ADAM10: variants seen among roughly 807,000 people sequenced by gnomAD.
ADAM10 encodes ADAM metallopeptidase domain 10, also known as disintegrin and metalloproteinase domain-containing protein 10.
ADAM10 carries 17 observed loss-of-function variants against 90.1 expected under a neutral mutation model. The observed-to-expected ratio is 0.19, with a 90% CI of 0.13 to 0.28. ADAM10 has a LOEUF of 0.28. Among genes scored for constraint, ADAM10 ranks in the 10% least tolerant of loss-of-function variants. The probability of loss-of-function intolerance (pLI) is 1.00; values close to 1 mark genes in which losing one functional copy is unlikely to be tolerated. For missense variants in ADAM10, 610 were observed against 914.3 expected (o/e 0.67, Z 4.29); for synonymous variants, 310 against 298.6 (o/e 1.04, Z -0.40).
At chr15:58,699,093 G>A (rs1898059273) in intron 2 of ADAM10, among the ~76,000 whole-genome samples, 1 of 152,142 alleles carries the variant, frequency 6.6e-6, no homozygotes, top group Admixed American at 6.5e-5. Flanking sequence ...CAGACTAACA[G>A]CAGATTTCTC....
At chr15:58,729,974 C>A (rs28487582) in intron 1 of ADAM10, among the ~76,000 whole-genome samples, 13,349 of 131,864 alleles carry the variant, frequency 0.1, 1,002 homozygotes, top group East Asian at 0.28. Context: ...AAAACAAAAA[C>A]AAAAACAAAA....
At chr15:58,627,425 A>G (rs1895979015) in intron 10 of ADAM10, among the ~76,000 whole-genome samples, 1 of 152,126 alleles carries the variant, frequency 6.6e-6, no homozygotes, top group Admixed American at 6.5e-5. Flanking sequence ...AAAACAGAAA[A>G]AGAACTATAA....
intron 9 of ADAM10, among the ~76,000 whole-genome samples, chr15:58,628,109 T>C (rs534808774): frequency 6.6e-6 from 1 of 152,198 alleles, no homozygotes; most frequent in Admixed American, 6.5e-5. Flanking sequence ...CCATAACAAT[T>C]TATAGCTTTG....
chr15:58,712,734 G>A (rs769255167), intron 2 of ADAM10, among the ~76,000 whole-genome samples: 5 of 152,064 alleles, frequency 3.3e-5, no homozygotes, highest in African/African-American at 4.8e-5. Flanking sequence ...GCTGAGGCAG[G>A]ACAATGGCAT....
At chr15:58,633,578 G>A (rs1896160726) in intron 8 of ADAM10, among the ~76,000 whole-genome samples, 1 of 152,152 alleles carries the variant, frequency 6.6e-6, no homozygotes, top group Admixed American at 6.5e-5. Context: ...CCAGGACTGA[G>A]TACACAGCCT....
At chr15:58,600,005 T>C (rs1216738931) in intron 14 of ADAM10, among the ~76,000 whole-genome samples, 1 of 152,182 alleles carries the variant, frequency 6.6e-6, no homozygotes, top group Non-Finnish European at 1.5e-5. Context: ...ACAACATTTG[T>C]CATACACATG....
intron 1 of ADAM10, among the ~76,000 whole-genome samples, chr15:58,727,636 A>AT (rs1899086100): frequency 6.6e-6 from 1 of 152,164 alleles, no homozygotes. Context: ...CAGCCTTGTT[A>AT]TTTTTTAAAA....
Position 58,592,018 on chromosome 15 carries a change from T to C in ADAM10, c.*5529A>G, listed in dbSNP as rs1170337263. 3.3e-5 allele frequency: 5 copies of C among 152,264 alleles called. No individual in the cohort carries two copies. The highest frequency in any genetic ancestry group is 4.8e-5 in the African/African-American group (2 of 41,450). 9.4% of individuals were successfully genotyped at this position (152,264 alleles called of 1,614,324 possible). A position where few individuals can be genotyped will look rare whatever the true frequency, so the allele number is the denominator to read the frequency against. ...GTTGTTGAAGCAGGACCATATGTCT[T>C]GTAGTTTTCCAGAGTCTGGATTTTG... On this transcript the variant is annotated 3_prime_UTR_variant, in exon 16 of 16. Transcript: ENST00000260408.
At chr15:58,602,735 C>G (rs1199686214) in intron 14 of ADAM10, among the ~76,000 whole-genome samples, 2 of 152,142 alleles carry the variant, frequency 1.3e-5, no homozygotes, top group Non-Finnish European at 2.9e-5. Flanking sequence ...GATCTCTATA[C>G]AGAAGAGTCC....
At chr15:58,717,976 G>A (rs1368363096) in intron 1 of ADAM10, among the ~76,000 whole-genome samples, 1 of 151,996 alleles carries the variant, frequency 6.6e-6, no homozygotes, top group Non-Finnish European at 1.5e-5. Context: ...AGCTGAGCAA[G>A]TTCTCTTCTA....
At chr15:58,657,609 ATTTC>A (rs1178701247) in intron 5 of ADAM10, among the ~76,000 whole-genome samples, 40 of 152,254 alleles carry the variant, frequency 2.6e-4, no homozygotes, top group African/African-American at 9.4e-4. Flanking sequence ...GTTATCATGA[ATTTC>A]TTTGAGTTTC....
chr15:58,647,248 ATTTTTTTTTTTT>A lies in ADAM10; in HGVS notation c.586-1056_586-1045del, dbSNP rs67378373. ...TGGCAGCAAAGAGTAGACACTAAGT[ATTTTTTTTTTTT>A]TTTTTTTTTTTTTTTTTTGAGACAG... On this transcript the variant is annotated intron_variant, in intron 5 of 15. Coordinates refer to ENST00000260408, the MANE Select transcript of ADAM10 (RefSeq NM_001110.4). Among the ~76,000 whole-genome samples, 77 of 59,604 alleles carry A rather than the reference ATTTTTTTTTTTT, an allele frequency of 1.3e-3. 1 individual carries two copies. Among genetic ancestry groups the A allele is most frequent in the East Asian group, 3.0e-3 (7 of 2,302 alleles). 39.1% of individuals were successfully genotyped at this position (59,604 alleles called of 152,430 possible). A position where few individuals can be genotyped will look rare whatever the true frequency, so the allele number is the denominator to read the frequency against.
At chr15:58,661,265 T>G (rs1380743383) in intron 5 of ADAM10, among the ~76,000 whole-genome samples, 1 of 152,232 alleles carries the variant, frequency 6.6e-6, no homozygotes, top group African/African-American at 2.4e-5. Flanking sequence ...TTCACTCTTC[T>G]GTGTGTATCC....
intron 2 of ADAM10, among the ~76,000 whole-genome samples, chr15:58,709,840 A>T (rs1307214365): frequency 1.3e-5 from 2 of 152,342 alleles, no homozygotes; most frequent in South Asian, 4.1e-4. Flanking sequence ...CCAAAGAATT[A>T]AAAACAGCCA....
At position 58,688,766 on chromosome 15, in the gene ADAM10, T is replaced by TTATATATATATA. The variant is rs780219725; in HGVS notation, c.207-6464_207-6453dup. On this transcript the variant is annotated intron_variant, in intron 2 of 15. Coordinates refer to ENST00000260408, the MANE Select transcript of ADAM10 (RefSeq NM_001110.4). ...ATAATTTCTAAAATGAAAAAAAAAA[T>TTATATATATATA]TATATATATATATATATATATCTCT... is the stretch of plus-strand genomic sequence containing the variant. 4.6e-3 allele frequency among the ~76,000 whole-genome samples: 561 copies of TTATATATATATA among 121,780 alleles called. 13 individuals carry two copies. The highest frequency in any genetic ancestry group is 0.016 in the African/African-American group (441 of 27,092). The allele number at this position is 121,780 out of a possible 152,430, so 79.9% of individuals were successfully genotyped here.
chr15:58,711,949 T>C (rs565868203), intron 2 of ADAM10, among the ~76,000 whole-genome samples: 2 of 152,100 alleles, frequency 1.3e-5, no homozygotes, highest in Non-Finnish European at 2.9e-5. Flanking sequence ...TGATCCCTTA[T>C]GCTTCTCTTC....
chr15:58,598,980 G>C (rs1895034122), intron 15 of ADAM10, among the ~76,000 whole-genome samples: 1 of 152,118 alleles, frequency 6.6e-6, no homozygotes, highest in Admixed American at 6.6e-5. Flanking sequence ...CATCACCCTG[G>C]GGGAAAATAA....
At chr15:58,613,252 A>C (rs527269727) in intron 11 of ADAM10, among the ~76,000 whole-genome samples, 22 of 152,350 alleles carry the variant, frequency 1.4e-4, no homozygotes, top group African/African-American at 4.8e-4. Context: ...TGGAAAAAGA[A>C]GCACCACACC....
chr15:58,609,072 C>A (rs1895361828), intron 14 of ADAM10: 1 of 152,142 alleles, frequency 6.6e-6, no homozygotes, highest in Non-Finnish European at 1.5e-5. Context: ...CTTGAAGTCA[C>A]AGAATTGATA....
Sources: gnomAD v4.1 joint callset for allele counts (sites outside exome capture counted in the v4.1 genomes callset) on GRCh38, gnomAD v4.1.1 for gene constraint, MANE v1.5 for transcripts, NCBI Gene and HGNC (gene_info 2026-07-23, HGNC 2026-07-21) for gene names.